ATAD2B: variants seen among roughly 807,000 people sequenced by gnomAD.
The protein encoded by ATAD2B is ATPase family AAA domain containing 2B.
Under a neutral mutation model 167.6 loss-of-function variants are expected in ATAD2B, and 40 were observed. The observed-to-expected ratio is 0.24, with a 90% CI of 0.19 to 0.31. The LOEUF is 0.31. Ranked by LOEUF, ATAD2B falls within the 10% of genes least tolerant of loss-of-function variation. The pLI is 1.00. For synonymous variants in ATAD2B, 579 were observed against 596.5 expected, an observed-to-expected ratio of 0.97 and a Z score of 0.43; for missense variants, 1,242 against 1,757.2, an observed-to-expected ratio of 0.71 and a Z score of 5.24.
chr2:23,725,981 GA>G, the ATAD2B span, among the ~76,000 whole-genome samples: 2 of 152,038 alleles, frequency 1.3e-5, no homozygotes, highest in Admixed American at 1.3e-4. Context: ...AAAATAAAAT[GA>G]GAGTGACACT....
intron 6 of ATAD2B, among the ~76,000 whole-genome samples, chr2:23,881,964 C>G (rs953683882): frequency 2.0e-5 from 3 of 152,114 alleles, no homozygotes; most frequent in Admixed American, 1.3e-4. Context: ...TTCAGGCAAT[C>G]TGCCCACCTA....
chr2:23,696,359 G>A, the ATAD2B span: 2 of 1,551,612 alleles, frequency 1.3e-6, no homozygotes, highest in South Asian at 2.4e-5. The surrounding 1 kb of genome is among the most constrained non-coding windows in gnomAD (Gnocchi z 5.5). Flanking sequence ...GGTGACGCTG[G>A]CTGATGTCTG....
chr2:23,910,173 CT>C lies in ATAD2B; in HGVS notation c.217-14204del, dbSNP rs756806271. On this transcript the variant is annotated intron_variant, in intron 1 of 27. Transcript: ENST00000238789. ...GCCACTGTGTCCACTCTTGCATACT[CT>C]TTTTTTTTTTTTTTTTTTTTTAGAC... Among the ~76,000 whole-genome samples the C allele has an allele frequency of 6.3e-3, 676 of 106,914 alleles. 1 individual carries two copies. Among genetic ancestry groups the C allele is most frequent in the African/African-American group, 0.019 (510 of 27,032 alleles). 70.1% of individuals were successfully genotyped at this position (106,914 alleles called of 152,430 possible).
At position 23,788,655 on chromosome 2, in the gene ATAD2B, T is replaced by A; in HGVS notation, c.2641-8A>T. On this transcript the variant is annotated splice_region_variant and splice_polypyrimidine_tract_variant and intron_variant, in intron 19 of 27. Coordinates refer to ENST00000238789, the MANE Select transcript of ATAD2B (RefSeq NM_017552.4). ...TCTAAAGATACATTTAACCTACACA[T>A]ATACACACACACAAAGACATTAAAT... 6.4e-7 allele frequency: 1 copy of A among 1,564,986 alleles called. No individual in the cohort carries two copies. Among genetic ancestry groups the A allele is most frequent in the African/African-American group, 1.4e-5 (1 of 73,508 alleles).
chr2:23,863,640 T>C (rs897152286), intron 11 of ATAD2B, 85 bp from the exon 12 acceptor site: 114 of 1,194,808 alleles, frequency 9.5e-5, no homozygotes, highest in Non-Finnish European at 1.2e-4. Context: ...CCCCCTTCCA[T>C]ATAATTTTGT....
At position 23,751,333 on chromosome 2, in the gene ATAD2B, C is replaced by T. The variant is rs1004300117; in HGVS notation, c.*713G>A. 2.6e-5 allele frequency: 4 copies of T among 152,066 alleles called. No individual in the cohort carries two copies. The highest frequency in any genetic ancestry group is 7.2e-5 in the African/African-American group (3 of 41,412). The allele number at this position is 152,066 out of a possible 1,614,324, so 9.4% of individuals were successfully genotyped here. A position where few individuals can be genotyped will look rare whatever the true frequency, so the allele number is the denominator to read the frequency against. ...GATTGAGCTTTGAGAATAAGACAGG[C>T]ATTTCATACCCAAACACTGGTTGTC... On this transcript the variant is annotated 3_prime_UTR_variant, in exon 28 of 28. Coordinates refer to ENST00000238789, the MANE Select transcript of ATAD2B (RefSeq NM_017552.4).
chr2:23,922,872 G>A (rs914754325), intron 1 of ATAD2B, among the ~76,000 whole-genome samples: 7 of 152,098 alleles, frequency 4.6e-5, no homozygotes, highest in Admixed American at 4.6e-4. Context: ...ATATTGGGGA[G>A]ATGTAGAAAA....
At chr2:23,763,376 T>C (rs1384743192) in intron 23 of ATAD2B, among the ~76,000 whole-genome samples, 1 of 152,192 alleles carries the variant, frequency 6.6e-6, no homozygotes. Flanking sequence ...TTATATAACA[T>C]AAAAATCACC....
the ATAD2B span, among the ~76,000 whole-genome samples, chr2:23,737,093 C>T: frequency 1.9e-4 from 29 of 152,342 alleles, 1 homozygote; most frequent in Admixed American, 1.8e-3. Flanking sequence ...AGGAGGCCTG[C>T]CTGCCTCTGT....
At chr2:23,910,197 G>A (rs1487499250) in intron 1 of ATAD2B, among the ~76,000 whole-genome samples, 5 of 96,056 alleles carry the variant, frequency 5.2e-5, no homozygotes, top group African/African-American at 2.3e-4. Flanking sequence ...TTTTTTTTTA[G>A]ACAAGAGTTT....
At chr2:23,895,619 T>C (rs1348953853) in intron 2 of ATAD2B, among the ~76,000 whole-genome samples, 200 bp downstream of exon 2, 1 of 152,194 alleles carries the variant, frequency 6.6e-6, no homozygotes, top group Non-Finnish European at 1.5e-5. Context: ...TGGTAATTTC[T>C]ATTACATACC....
chr2:23,799,673 A>G (rs1683180552), intron 18 of ATAD2B, among the ~76,000 whole-genome samples: 1 of 151,980 alleles, frequency 6.6e-6, no homozygotes, highest in East Asian at 1.9e-4. Context: ...TTAATGAGTA[A>G]GCTTACCACT....
intron 25 of ATAD2B, among the ~76,000 whole-genome samples, chr2:23,755,356 T>TA (rs1219810592): frequency 2.0e-5 from 3 of 152,190 alleles, no homozygotes; most frequent in Non-Finnish European, 4.4e-5. Context: ...TTTCCTACCT[T>TA]AGAGTAAATT....
intron 8 of ATAD2B, chr2:23,872,346 G>A: frequency 1.6e-6 from 1 of 610,018 alleles, no homozygotes; most frequent in South Asian, 1.4e-5. Flanking sequence ...TCAAGTTCTT[G>A]TCAAATTCAT....
chr2:23,804,997 G>A (rs949289631), intron 18 of ATAD2B, among the ~76,000 whole-genome samples: 6 of 151,770 alleles, frequency 4.0e-5, no homozygotes, highest in African/African-American at 1.2e-4. Context: ...ACAAAAATTA[G>A]CTGGGCGTGG....
chr2:23,820,609 TGAGA>T (rs375978318), intron 16 of ATAD2B, among the ~76,000 whole-genome samples: 8 of 152,194 alleles, frequency 5.3e-5, no homozygotes, highest in African/African-American at 1.4e-4. Flanking sequence ...GTACGGGATA[TGAGA>T]GAGAATTAAG....
chr2:23,871,018 T>G (rs999617007), intron 8 of ATAD2B, among the ~76,000 whole-genome samples: 4 of 152,034 alleles, frequency 2.6e-5, no homozygotes, highest in Admixed American at 1.3e-4. Context: ...CACGAAGTGT[T>G]CAAATTGAGT....
chr2:23,691,653 C>T, the ATAD2B span: 1 of 1,549,930 alleles, frequency 6.5e-7, no homozygotes, highest in Non-Finnish European at 8.7e-7. Context: ...GAGGTAAGGA[C>T]ACCCTGGTCT....
chr2:23,779,550 T>G (rs955937907), intron 22 of ATAD2B, among the ~76,000 whole-genome samples: 3 of 152,158 alleles, frequency 2.0e-5, no homozygotes, highest in African/African-American at 7.2e-5. Flanking sequence ...AAGATATATA[T>G]TCTTTGATCC....
Sources: gnomAD v4.1 joint callset for allele counts (sites outside exome capture counted in the v4.1 genomes callset) on GRCh38, gnomAD v4.1.1 for gene constraint, Gnocchi (gnomAD v3.1) non-coding constraint, MANE v1.5 for transcripts, NCBI Gene and HGNC (gene_info 2026-07-23, HGNC 2026-07-21) for gene names.